CDH6: variants seen among roughly 807,000 people sequenced by gnomAD.
The protein encoded by CDH6 is cadherin 6.
CDH6 carries 31 observed loss-of-function variants against 78.0 expected under a neutral mutation model. The observed-to-expected ratio is 0.40, with a 90% CI of 0.30 to 0.54. The LOEUF is 0.54. Among genes scored for constraint, CDH6 ranks in the 20% least tolerant of loss-of-function variants. The probability of loss-of-function intolerance (pLI) is 0.56; values close to 1 mark genes in which losing one functional copy is unlikely to be tolerated. For synonymous variants in CDH6, 376 were observed against 368.8 expected (o/e 1.02, Z -0.23); for missense variants, 724 against 975.9 (o/e 0.74, Z 3.44).
At chr5:31,228,088 C>T (rs1443559954) in intron 1 of CDH6, among the ~76,000 whole-genome samples, 1 of 152,118 alleles carries the variant, frequency 6.6e-6, no homozygotes, top group Non-Finnish European at 1.5e-5. Flanking sequence ...TTTCTTGGCC[C>T]CTTCCGCCAT....
At chr5:31,282,717 T>A (rs1579880124) in intron 2 of CDH6, among the ~76,000 whole-genome samples, 1 of 152,202 alleles carries the variant, frequency 6.6e-6, no homozygotes, top group East Asian at 1.9e-4. Flanking sequence ...CTGGTACTTT[T>A]GACATGAAAT....
At chr5:31,258,663 C>T (rs534182831) in intron 1 of CDH6, among the ~76,000 whole-genome samples, 70 of 152,204 alleles carry the variant, frequency 4.6e-4, no homozygotes, top group South Asian at 3.5e-3. Flanking sequence ...AGAAAATGGT[C>T]CCCATTACAA....
chr5:31,304,755 A>G (rs181245089), intron 6 of CDH6, among the ~76,000 whole-genome samples: 10 of 151,694 alleles, frequency 6.6e-5, no homozygotes, highest in African/African-American at 2.4e-4. Context: ...GTATTTGCCA[A>G]CTTGCCCCTG....
intron 1 of CDH6, among the ~76,000 whole-genome samples, chr5:31,199,526 A>ATGTG (rs60061148): frequency 2.1e-5 from 3 of 141,668 alleles, no homozygotes; most frequent in Non-Finnish European, 4.6e-5. Context: ...ACACACACAT[A>ATGTG]TGTGTATATA....
At position 31,205,641 on chromosome 5, in the gene CDH6, GA is replaced by G. The variant is rs369360962; in HGVS notation, c.-129+11756del. On this transcript the variant is annotated intron_variant, in intron 1 of 11. Coordinates refer to ENST00000265071, the MANE Select transcript of CDH6 (RefSeq NM_004932.4). The stretch of plus-strand genomic sequence containing the variant: ...CTAAACTAAACAATGTCCTTGCCAA[GA>G]TTTTTTTTCTCTTACAGTTTTAGTA... Among the ~76,000 whole-genome samples the G allele has an allele frequency of 2.7e-3, 410 of 152,192 alleles. 4 individuals carry two copies. The Middle Eastern group carries it at 0.034, about 13-fold the overall frequency.
At chr5:31,194,176 A>C (rs1740097032) in intron 1 of CDH6, among the ~76,000 whole-genome samples, 1 of 151,846 alleles carries the variant, frequency 6.6e-6, no homozygotes, top group East Asian at 2.0e-4. Flanking sequence ...GGGTGGGGGC[A>C]CCGGGAAGCG....
intron 7 of CDH6, 100 bp downstream of exon 7, chr5:31,305,527 A>G (rs1313466089): frequency 3.2e-6 from 4 of 1,242,764 alleles, no homozygotes; most frequent in East Asian, 2.3e-5. Flanking sequence ...TTTTGTTCCA[A>G]TTAGACAACT....
chr5:31,221,099 T>C (rs1364097301), intron 1 of CDH6, among the ~76,000 whole-genome samples: 1 of 152,176 alleles, frequency 6.6e-6, no homozygotes, highest in Non-Finnish European at 1.5e-5. Context: ...AGAATTCGAT[T>C]TAATAAATGT....
At chr5:31,261,086 T>C (rs528504664) in intron 1 of CDH6, among the ~76,000 whole-genome samples, 21 of 152,138 alleles carry the variant, frequency 1.4e-4, no homozygotes, top group Non-Finnish European at 2.8e-4. Flanking sequence ...ATAAATACCA[T>C]ATTTTTTTTT....
intron 1 of CDH6, among the ~76,000 whole-genome samples, chr5:31,211,600 G>T (rs940261575): frequency 1.7e-4 from 26 of 152,132 alleles, no homozygotes; most frequent in African/African-American, 6.0e-4. Context: ...AAAATGAAAA[G>T]CCAACAGAGT....
chr5:31,282,134 G>A (rs75523332), intron 2 of CDH6, among the ~76,000 whole-genome samples: 5,304 of 152,142 alleles, frequency 0.035, 302 homozygotes, highest in African/African-American at 0.12. Flanking sequence ...TTAGTTTCTT[G>A]TTGCTGCTGT....
intron 1 of CDH6, among the ~76,000 whole-genome samples, chr5:31,212,825 T>A (rs1740750600): frequency 6.6e-6 from 1 of 151,936 alleles, no homozygotes; most frequent in African/African-American, 2.4e-5. Flanking sequence ...AATAGGAGAA[T>A]TGACTTATAA....
intron 6 of CDH6, 79 bp from the exon 7 acceptor site, chr5:31,305,095 C>G: frequency 6.9e-7 from 1 of 1,447,476 alleles, no homozygotes; most frequent in Non-Finnish European, 9.4e-7. Flanking sequence ...TGGTTTACAC[C>G]AAAAATGTTT....
chr5:31,307,173 A>G (rs894516011), intron 7 of CDH6, among the ~76,000 whole-genome samples: 1 of 152,192 alleles, frequency 6.6e-6, no homozygotes, highest in African/African-American at 2.4e-5. Flanking sequence ...ACTGGATTTT[A>G]TTCTGATTGA....
In CDH6 at chr5:31,327,313, G is replaced by T. The variant is rs911292769; in HGVS notation, c.*4005G>T. On this transcript the variant is annotated 3_prime_UTR_variant, in exon 12 of 12. Transcript: ENST00000265071. ...TTATCAGCTAAATTCATTTTCACCA[G>T]GAACAGACCACCAAATAAATTATTT... 5.2e-5 allele frequency: 10 copies of T among 190,940 alleles called. No homozygotes were observed. The highest frequency in any genetic ancestry group is 2.3e-4 in the African/African-American group (10 of 42,958). 11.8% of individuals were successfully genotyped at this position (190,940 alleles called of 1,614,324 possible).
At chr5:31,235,145 A>G (rs1486774020) in intron 1 of CDH6, among the ~76,000 whole-genome samples, 1 of 151,942 alleles carries the variant, frequency 6.6e-6, no homozygotes, top group Non-Finnish European at 1.5e-5. Flanking sequence ...CACCCATTCA[A>G]TCCTAGATCC....
chr5:31,265,441 A>T (rs886089610), intron 1 of CDH6, among the ~76,000 whole-genome samples: 7 of 152,348 alleles, frequency 4.6e-5, no homozygotes, highest in African/African-American at 1.7e-4. Flanking sequence ...GGAATAAAGG[A>T]TTTAAAATGC....
chr5:31,236,781 C>T (rs2111865871), intron 1 of CDH6, among the ~76,000 whole-genome samples: 1 of 152,274 alleles, frequency 6.6e-6, no homozygotes, highest in African/African-American at 2.4e-5. Context: ...GTCCCTCATG[C>T]TGGGATTTAA....
At chr5:31,275,659 G>A (rs888180545) in intron 2 of CDH6, among the ~76,000 whole-genome samples, 2 of 152,016 alleles carry the variant, frequency 1.3e-5, no homozygotes, top group African/African-American at 2.4e-5. Flanking sequence ...ATGCTGCATT[G>A]AACATGTGAG....
Sources: allele counts gnomAD v4.1 joint callset (sites outside exome capture counted in the v4.1 genomes callset), GRCh38; gene constraint gnomAD v4.1.1; transcripts MANE v1.5; gene names NCBI Gene and HGNC (gene_info 2026-07-23, HGNC 2026-07-21).